Variants in CNTLN observed in about 807,000 individuals in gnomAD.
The protein encoded by CNTLN is centlein, centrosomal protein.
CNTLN carries 212 observed loss-of-function variants against 180.0 expected under a neutral mutation model. The observed-to-expected ratio is 1.18, with a 90% CI of 1.05 to 1.32. CNTLN has a LOEUF of 1.32. CNTLN is among the 40% of genes most tolerant of loss of function. CNTLN has a pLI of 0.00. For synonymous variants in CNTLN, 722 were observed against 563.1 expected (o/e 1.28, Z -3.99); for missense variants, 2,095 against 1,610.9 (o/e 1.30, Z -5.14).
Position 17,472,751 on chromosome 9 carries a change from A to G in CNTLN, c.3855+5860A>G, listed in dbSNP as rs529052665. Reference sequence around the variant, plus strand: ...TCAAATGCCAAAAATGTTCCCACTAAGAAACACTACCCTTGGCCTTGTCAT... The same window carrying G: ...TCAAATGCCAAAAATGTTCCCACTAGGAAACACTACCCTTGGCCTTGTCAT... On this transcript the variant is annotated intron_variant, in intron 23 of 25. Coordinates refer to ENST00000380647, the MANE Select transcript of CNTLN (RefSeq NM_017738.4). Among the ~76,000 whole-genome samples, 4 of 152,320 alleles carry G rather than the reference A, an allele frequency of 2.6e-5. No homozygotes were observed. The South Asian group carries it at 8.3e-4, about 32-fold the overall frequency.
chr9:17,334,341 C>T (rs577244820), intron 10 of CNTLN, among the ~76,000 whole-genome samples: 4 of 151,896 alleles, frequency 2.6e-5, no homozygotes, highest in African/African-American at 7.3e-5. Flanking sequence ...ATTACAGGCG[C>T]GAGCCGCTGC....
At chr9:17,511,125 C>T in the CNTLN span, among the ~76,000 whole-genome samples, 4 of 152,240 alleles carry the variant, frequency 2.6e-5, no homozygotes, top group African/African-American at 9.6e-5. Context: ...ACCATTCTCA[C>T]CCCAACATTT....
At chr9:17,179,610 CTA>C (rs1335503565) in intron 2 of CNTLN, among the ~76,000 whole-genome samples, 1 of 152,106 alleles carries the variant, frequency 6.6e-6, no homozygotes, top group Admixed American at 6.5e-5. Flanking sequence ...TTGTATAAAT[CTA>C]TGGGCATTTG....
intron 2 of CNTLN, among the ~76,000 whole-genome samples, chr9:17,155,338 C>G (rs950238655): frequency 6.6e-6 from 1 of 152,172 alleles, no homozygotes; most frequent in African/African-American, 2.4e-5. Context: ...GCAGACTGAC[C>G]CTTAGCAGAC....
chr9:17,367,920 C>T (rs1823968115), intron 13 of CNTLN, among the ~76,000 whole-genome samples: 1 of 151,992 alleles, frequency 6.6e-6, no homozygotes, highest in Non-Finnish European at 1.5e-5. Context: ...AGGGCATCCC[C>T]AGCTGTGGTG....
intron 2 of CNTLN, among the ~76,000 whole-genome samples, chr9:17,224,553 C>A (rs946229779): frequency 6.6e-6 from 1 of 151,974 alleles, no homozygotes; most frequent in African/African-American, 2.4e-5. Flanking sequence ...TTTAATCTCA[C>A]TATTTTCCTG....
chr9:17,242,025 T>C (rs1241457402), intron 5 of CNTLN, among the ~76,000 whole-genome samples: 1 of 152,178 alleles, frequency 6.6e-6, no homozygotes, highest in Admixed American at 6.5e-5. Context: ...CCTTTCCAAC[T>C]TGGATGTCCT....
chr9:17,173,811 C>T (rs1050264920), intron 2 of CNTLN, among the ~76,000 whole-genome samples: 3 of 152,130 alleles, frequency 2.0e-5, no homozygotes, highest in African/African-American at 7.2e-5. Context: ...GATTCACATG[C>T]AGTTACAGGA....
chr9:17,305,269 A>G (rs1818629378), intron 7 of CNTLN, among the ~76,000 whole-genome samples: 1 of 152,186 alleles, frequency 6.6e-6, no homozygotes, highest in South Asian at 2.1e-4. Flanking sequence ...CTTATGAATT[A>G]TAATGATTGA....
At chr9:17,179,971 A>G (rs1450658580) in intron 2 of CNTLN, among the ~76,000 whole-genome samples, 2 of 152,194 alleles carry the variant, frequency 1.3e-5, no homozygotes, top group African/African-American at 4.8e-5. Flanking sequence ...ACTTTATTCA[A>G]TGTTAATATA....
At chr9:17,487,672 G>A (rs2134335814) in intron 25 of CNTLN, among the ~76,000 whole-genome samples, 1 of 152,240 alleles carries the variant, frequency 6.6e-6, no homozygotes. Context: ...GGGCCGAGTG[G>A]AAAGCTGCAT....
chr9:17,507,527 T>C (rs910748921), downstream of CNTLN, among the ~76,000 whole-genome samples: 1 of 152,194 alleles, frequency 6.6e-6, no homozygotes, highest in African/African-American at 2.4e-5. Context: ...GGTTACTGGG[T>C]CAAATAGTAA....
At chr9:17,433,077 A>C (rs1229880209) in intron 18 of CNTLN, among the ~76,000 whole-genome samples, 1 of 151,742 alleles carries the variant, frequency 6.6e-6, no homozygotes, top group South Asian at 2.1e-4. Flanking sequence ...TAACCTCCAA[A>C]TCTAACATTA....
intron 8 of CNTLN, among the ~76,000 whole-genome samples, chr9:17,319,670 T>G (rs563195860): frequency 6.6e-6 from 1 of 152,294 alleles, no homozygotes; most frequent in Admixed American, 6.5e-5. Flanking sequence ...GGTATTATAA[T>G]AGTACTTACC....
chr9:17,174,719 G>T (rs917876251), intron 2 of CNTLN, among the ~76,000 whole-genome samples: 1 of 149,118 alleles, frequency 6.7e-6, no homozygotes, highest in African/African-American at 2.5e-5. Context: ...AAAAAAGAAA[G>T]AAATTGCCAA....
chr9:17,362,574 A>G (rs1258247826), intron 12 of CNTLN, among the ~76,000 whole-genome samples: 1 of 152,228 alleles, frequency 6.6e-6, no homozygotes, highest in Non-Finnish European at 1.5e-5. Flanking sequence ...TACTTCAAAT[A>G]ACTTTTTATT....
intron 6 of CNTLN, among the ~76,000 whole-genome samples, chr9:17,285,394 C>T (rs1298944574): frequency 1.4e-5 from 2 of 147,422 alleles, no homozygotes; most frequent in African/African-American, 2.5e-5. Flanking sequence ...TTTCTTAATC[C>T]AGTCTATCAT....
At chr9:17,307,865 A>G (rs1818828618) in intron 7 of CNTLN, among the ~76,000 whole-genome samples, 2 of 152,090 alleles carry the variant, frequency 1.3e-5, no homozygotes, top group Non-Finnish European at 2.9e-5. Flanking sequence ...TCGTATCTTT[A>G]AGTAAATGAG....
intron 18 of CNTLN, among the ~76,000 whole-genome samples, chr9:17,453,591 G>A (rs139349161): frequency 2.0e-3 from 310 of 152,248 alleles, no homozygotes; most frequent in Non-Finnish European, 3.4e-3. Flanking sequence ...ATATGCATTC[G>A]TTACCTCACA....
Sources: allele counts gnomAD v4.1 joint callset (sites outside exome capture counted in the v4.1 genomes callset), GRCh38; gene constraint gnomAD v4.1.1; transcripts MANE v1.5; gene names NCBI Gene and HGNC (gene_info 2026-07-23, HGNC 2026-07-21).